The following INSYN2B variants were observed in gnomAD, a reference collection of about 807,000 sequenced individuals.
The protein encoded by INSYN2B is inhibitory synaptic factor family member 2B.
A neutral mutation model predicts 41.2 loss-of-function variants in INSYN2B; 16 were observed. That is an observed-to-expected ratio of 0.39 (90% CI 0.26 to 0.59). INSYN2B has a LOEUF of 0.59. INSYN2B is among the 20% of genes least tolerant of loss of function. The pLI is 0.57. For synonymous variants in INSYN2B, 245 were observed against 244.4 expected (o/e 1.00, Z -0.02); for missense variants, 608 against 646.4 (o/e 0.94, Z 0.64).
chr5:169,974,252 A>T (rs1310195243), intron 1 of INSYN2B, among the ~76,000 whole-genome samples: 1 of 152,228 alleles, frequency 6.6e-6, no homozygotes, highest in African/African-American at 2.4e-5. Context: ...CATAAGATAA[A>T]GCTTACATAG....
intron 1 of INSYN2B, among the ~76,000 whole-genome samples, chr5:169,922,586 A>G (rs1181343893): frequency 6.6e-6 from 1 of 152,218 alleles, no homozygotes; most frequent in Non-Finnish European, 1.5e-5. Context: ...TTTGCAGTTT[A>G]GAGAATATCA....
chr5:169,879,193 G>A (rs373604451), intron 3 of INSYN2B, among the ~76,000 whole-genome samples: 1 of 152,132 alleles, frequency 6.6e-6, no homozygotes, highest in African/African-American at 2.4e-5. Flanking sequence ...TCCATCATGC[G>A]CTGGATCATG....
intron 1 of INSYN2B, among the ~76,000 whole-genome samples, chr5:169,978,497 A>T (rs1303024295): frequency 6.6e-6 from 1 of 151,360 alleles, no homozygotes; most frequent in South Asian, 2.1e-4. Flanking sequence ...TATCATGATG[A>T]TGATGATGAT....
chr5:169,884,313 A>AGGG lies in INSYN2B; in HGVS notation c.-416_-415insCCC, dbSNP rs1561794496. ...TTTAGGGGGTAGTGCCAGACTCCCA[A>AGGG]TGAGTGAATTCCAAAAGAAACCTGC... On this transcript the variant is annotated 5_prime_UTR_variant, in exon 2 of 4. Coordinates refer to ENST00000377365, the MANE Select transcript of INSYN2B (RefSeq NM_001129891.3). The AGGG allele has an allele frequency of 6.3e-6, 1 of 157,806 alleles. No homozygotes were observed. The highest frequency in any genetic ancestry group is 2.4e-5 in the African/African-American group (1 of 41,702). The allele number at this position is 157,806 out of a possible 1,614,324, so 9.8% of individuals were successfully genotyped here.
intron 1 of INSYN2B, among the ~76,000 whole-genome samples, chr5:169,934,228 C>T (rs755465839): frequency 2.0e-5 from 3 of 152,284 alleles, no homozygotes; most frequent in Admixed American, 2.0e-4. Context: ...TAACAGTGGA[C>T]TTGGATTGTG....
In INSYN2B at chr5:169,876,605, A is replaced by C. The variant is rs562622214; in HGVS notation, c.1421+4763T>G. ...GTGCAGCAAGCTCTCTGAGTCATCAAAGAAAGGTTCTCTCTTGTTGAAAGT... is the reference window on the plus strand; with the variant it reads ...GTGCAGCAAGCTCTCTGAGTCATCACAGAAAGGTTCTCTCTTGTTGAAAGT... On this transcript the variant is annotated intron_variant, in intron 3 of 3. Transcript: ENST00000377365. Among the ~76,000 whole-genome samples the C allele has an allele frequency of 4.6e-5, 7 of 152,356 alleles. No homozygotes were observed. In the East Asian group the frequency reaches 1.3e-3, roughly 29 times the overall value.
At chr5:169,938,025 T>C (rs1581444839) in intron 1 of INSYN2B, among the ~76,000 whole-genome samples, 1 of 152,216 alleles carries the variant, frequency 6.6e-6, no homozygotes, top group Non-Finnish European at 1.5e-5. Flanking sequence ...TCAGAAATCC[T>C]GGGAGCCATT....
chr5:169,903,936 C>CA (rs979763686), intron 1 of INSYN2B, among the ~76,000 whole-genome samples: 7 of 151,802 alleles, frequency 4.6e-5, no homozygotes, highest in African/African-American at 1.7e-4. Flanking sequence ...TCTGCCTCTA[C>CA]AAAAAATACA....
At chr5:169,904,522 G>A (rs1774159673) in intron 1 of INSYN2B, among the ~76,000 whole-genome samples, 1 of 152,046 alleles carries the variant, frequency 6.6e-6, no homozygotes, top group East Asian at 1.9e-4. Flanking sequence ...GAGGGAGTGA[G>A]GTGGGAAGGG....
At chr5:169,906,375 G>A (rs571109900) in intron 1 of INSYN2B, among the ~76,000 whole-genome samples, 39 of 152,154 alleles carry the variant, frequency 2.6e-4, no homozygotes, top group South Asian at 4.1e-4. Context: ...GCAAACGGGC[G>A]TTCATCTCAA....
chr5:169,930,116 G>A (rs563618845), intron 1 of INSYN2B, among the ~76,000 whole-genome samples: 5 of 152,190 alleles, frequency 3.3e-5, no homozygotes, highest in Admixed American at 6.5e-5. Flanking sequence ...TCAGCCTCCC[G>A]AGTAGCTGGG....
At chr5:169,976,959 T>C (rs1362528628) in intron 1 of INSYN2B, among the ~76,000 whole-genome samples, 2 of 152,208 alleles carry the variant, frequency 1.3e-5, no homozygotes, top group African/African-American at 4.8e-5. Context: ...AAAAAGCTTC[T>C]TAGGAAAGAA....
chr5:169,974,128 G>A (rs1777626582), intron 1 of INSYN2B, among the ~76,000 whole-genome samples: 1 of 152,126 alleles, frequency 6.6e-6, no homozygotes, highest in Admixed American at 6.5e-5. Flanking sequence ...TTAAATGAAA[G>A]CATTCTGAAG....
At chr5:169,896,020 C>A (rs1773581422) in intron 1 of INSYN2B, among the ~76,000 whole-genome samples, 2 of 152,166 alleles carry the variant, frequency 1.3e-5, no homozygotes, top group South Asian at 4.1e-4. Flanking sequence ...CCTTGGCCAC[C>A]CTCCATGATC....
chr5:169,900,170 G>C (rs1318641418), intron 1 of INSYN2B, among the ~76,000 whole-genome samples: 1 of 152,176 alleles, frequency 6.6e-6, no homozygotes, highest in Non-Finnish European at 1.5e-5. Flanking sequence ...AGATGGGCAG[G>C]TAATAGGCAG....
chr5:169,966,862 C>T (rs1487062088), intron 1 of INSYN2B, among the ~76,000 whole-genome samples: 3 of 152,180 alleles, frequency 2.0e-5, no homozygotes, highest in Non-Finnish European at 4.4e-5. Flanking sequence ...AGACTTTGGT[C>T]TAATGTTTTT....
At position 169,864,454 on chromosome 5, in the gene INSYN2B, T is replaced by G; in HGVS notation, c.1427A>C (p.Glu476Ala). ...GCCTTCCTGCTGCCGAAAATCATAC[T>G]CTACACTGAAAAACACAGAGAGGAA... ...QNTACIIYSV[E>A]YDFRQQEGRF... Residue 476 changes from glutamate to alanine, a missense_variant, in exon 4 of 4, where the codon GAG (glutamate) becomes GCG (alanine). Coordinates refer to ENST00000377365, the MANE Select transcript of INSYN2B (RefSeq NM_001129891.3). 1 of 1,534,392 alleles carries G rather than the reference T, an allele frequency of 6.5e-7. No homozygotes were observed. The highest frequency in any genetic ancestry group is 8.8e-7 in the Non-Finnish European group (1 of 1,139,334).
chr5:169,938,038 G>A (rs1561838225), intron 1 of INSYN2B, among the ~76,000 whole-genome samples: 1 of 152,196 alleles, frequency 6.6e-6, no homozygotes. Context: ...GAGCCATTAA[G>A]TTTTGAAAGA....
rs116590429 is a variant in INSYN2B, at chr5:169,863,827, A to G, written c.*446T>C. Reference sequence around the variant, plus strand: ...CTGCCAGTTTATCTCATTTTTTTCTATGGTACCTGCTTATAACCTATAACC... The same window carrying G: ...CTGCCAGTTTATCTCATTTTTTTCTGTGGTACCTGCTTATAACCTATAACC... On this transcript the variant is annotated 3_prime_UTR_variant, in exon 4 of 4. Transcript: ENST00000377365. Among the ~76,000 whole-genome samples the G allele has an allele frequency of 2.8e-3, 431 of 152,284 alleles. 2 individuals carry two copies. The highest frequency in any genetic ancestry group is 9.4e-3 in the African/African-American group (391 of 41,560).
Sources: allele counts gnomAD v4.1 joint callset (sites outside exome capture counted in the v4.1 genomes callset), GRCh38; gene constraint gnomAD v4.1.1; transcripts MANE v1.5; gene names NCBI Gene and HGNC (gene_info 2026-07-23, HGNC 2026-07-21).